DENND3: variants seen among roughly 807,000 people sequenced by gnomAD.
DENND3 encodes the protein DENN domain containing 3.
DENND3 carries 88 observed loss-of-function variants against 135.1 expected under a neutral mutation model. The ratio of observed to expected loss-of-function variants is 0.65; its 90% CI spans 0.55 to 0.78. The LOEUF (loss-of-function observed/expected upper bound fraction) is 0.78, where lower values mean the gene tolerates loss of function less well. DENND3 is among the 30% of genes least tolerant of loss of function. The pLI, the probability that DENND3 is intolerant of heterozygous loss-of-function variation, is 0.00. For missense variants in DENND3, 1,392 were observed against 1,688.4 expected, an observed-to-expected ratio of 0.82 and a Z score of 3.08; for synonymous variants, 693 against 712.3, an observed-to-expected ratio of 0.97 and a Z score of 0.43.
At chr8:141,188,861 C>T (rs766692330) in intron 18 of DENND3, 125 bp from the exon 19 acceptor site, 144 of 1,304,364 alleles carry the variant, frequency 1.1e-4, no homozygotes, top group Admixed American at 2.3e-4. Context: ...GACCCTGAGC[C>T]GGCGTGTCCC....
rs1015680066 is a variant in DENND3, at chr8:141,194,422, C to T, written c.*189C>T. ...CACCTTCTCTCAGGCCTTCGGGCCCCCTGGTTAAACTGCACCAAGGGTGTT... is the reference window on the plus strand; with the variant it reads ...CACCTTCTCTCAGGCCTTCGGGCCCTCTGGTTAAACTGCACCAAGGGTGTT... On this transcript the variant is annotated 3_prime_UTR_variant, in exon 23 of 23. Coordinates refer to ENST00000519811, the MANE Select transcript of DENND3 (RefSeq NM_001352890.3). 1.6e-6 allele frequency: 1 copy of T among 640,684 alleles called. No homozygotes were observed. The highest frequency in any genetic ancestry group is 2.8e-5 in the East Asian group (1 of 36,132). 39.7% of individuals were successfully genotyped at this position (640,684 alleles called of 1,614,324 possible).
intron 5 of DENND3, among the ~76,000 whole-genome samples, chr8:141,149,737 A>G (rs1818561892): frequency 6.6e-6 from 1 of 152,256 alleles, no homozygotes; most frequent in Non-Finnish European, 1.5e-5. Context: ...CACGGGCATG[A>G]GGAGAATGTG....
chr8:141,160,907 G>C, intron 9 of DENND3, 120 bp downstream of exon 9: 1 of 1,306,054 alleles, frequency 7.7e-7, no homozygotes. Context: ...TGGCAAACAT[G>C]AGTGGTCCCC....
At position 141,175,654 on chromosome 8, in the gene DENND3, G is replaced by C. The variant is rs967248548; in HGVS notation, c.2535+195G>C. ...GCTGATACCTTCTCAGTGGGTGGTGGAGATTGAATAGTTTGCATATGGAGC... is the reference window on the plus strand; with the variant it reads ...GCTGATACCTTCTCAGTGGGTGGTGCAGATTGAATAGTTTGCATATGGAGC... On this transcript the variant is annotated intron_variant, in intron 14 of 22. Coordinates refer to ENST00000519811, the MANE Select transcript of DENND3 (RefSeq NM_001352890.3). This position sits in a 1 kb window ranked among gnomAD's most constrained non-coding sequence, Gnocchi z 5.4. 1.2e-5 allele frequency: 9 copies of C among 773,604 alleles called. No homozygotes were observed. The highest frequency in any genetic ancestry group is 1.7e-5 in the African/African-American group (1 of 57,866). The allele number at this position is 773,604 out of a possible 1,614,324, so 47.9% of individuals were successfully genotyped here.
chr8:141,160,506 G>GC, intron 8 of DENND3, 126 bp from the exon 9 acceptor site: 3 of 1,195,060 alleles, frequency 2.5e-6, no homozygotes, highest in Non-Finnish European at 2.2e-6. Context: ...ATGACCACCC[G>GC]CCCCTCAAAT....
chr8:141,160,385 G>A (rs1413411558), intron 8 of DENND3, among the ~76,000 whole-genome samples: 2 of 152,042 alleles, frequency 1.3e-5, no homozygotes, highest in East Asian at 3.9e-4. Context: ...CACCATGTTG[G>A]CCAGGCTGGT....
At position 141,192,461 on chromosome 8, in the gene DENND3, G is replaced by C. The variant is rs201355672; in HGVS notation, c.3498+12G>C. ...AGCTCCTTCCTGAGGTATCCCAGCA[G>C]GGGCTGTGGGCCCAGCATGTGCGTG... On this transcript the variant is annotated intron_variant, in intron 21 of 22. Transcript: ENST00000519811. The C allele has an allele frequency of 2.5e-6, 4 of 1,614,046 alleles. 1 individual carries two copies.
intron 8 of DENND3, chr8:141,157,669 A>C (rs1819609207): frequency 1.0e-6 from 1 of 985,036 alleles, no homozygotes. Context: ...CTGGCCTTTC[A>C]CCTGGCTTTT....
At chr8:141,157,605 C>T (rs889644300) in intron 8 of DENND3, 19 of 985,808 alleles carry the variant, frequency 1.9e-5, no homozygotes, top group African/African-American at 1.9e-4. Context: ...TTCTTCTCTT[C>T]GCCTTCCTTT....
At chr8:141,150,806 A>G in intron 5 of DENND3, 28 bp from the exon 6 acceptor site, 1 of 1,574,854 alleles carries the variant, frequency 6.3e-7, no homozygotes, top group Non-Finnish European at 8.6e-7. Context: ...CAGCTCTCTG[A>G]ACTAATGACG....
chr8:141,192,700 C>T (rs757794400), intron 22 of DENND3, 37 bp downstream of exon 22: 1 of 1,606,120 alleles, frequency 6.2e-7, no homozygotes, highest in East Asian at 2.2e-5. Flanking sequence ...GCATCCCCGG[C>T]AGGTCTCGCT....
At chr8:141,159,109 C>T (rs930346639) in intron 8 of DENND3, among the ~76,000 whole-genome samples, 1 of 152,226 alleles carries the variant, frequency 6.6e-6, no homozygotes, top group Non-Finnish European at 1.5e-5. Flanking sequence ...TGAGTCTGGT[C>T]AGCCAGGGCT....
chr8:141,183,525 G>A (rs1339148746), intron 17 of DENND3, among the ~76,000 whole-genome samples: 1 of 151,682 alleles, frequency 6.6e-6, no homozygotes, highest in African/African-American at 2.4e-5. Context: ...CAAAGCGCTG[G>A]GTTAGAGGCG....
At chr8:141,158,274 T>C (rs1236852289) in intron 8 of DENND3, 3 of 1,287,790 alleles carry the variant, frequency 2.3e-6, no homozygotes, top group Non-Finnish European at 3.0e-6. Flanking sequence ...CCCAATCATC[T>C]CAGTTACTTT....
chr8:141,176,536 A>G, intron 14 of DENND3, 55 bp from the exon 15 acceptor site: 1 of 1,608,116 alleles, frequency 6.2e-7, no homozygotes, highest in Non-Finnish European at 8.5e-7. Context: ...GTCTCTGGTG[A>G]ATCCACGTGT....
intron 9 of DENND3, among the ~76,000 whole-genome samples, chr8:141,161,508 G>T (rs1820124581): frequency 6.6e-6 from 1 of 152,190 alleles, no homozygotes; most frequent in South Asian, 2.1e-4. Context: ...GCTATTTCTG[G>T]CCTAAATAGG....
chr8:141,174,700 T>A lies in DENND3; in HGVS notation c.2276-500T>A, dbSNP rs974962357. Among the ~76,000 whole-genome samples the A allele has an allele frequency of 6.6e-6, 1 of 151,706 alleles. No homozygotes were observed. The highest frequency in any genetic ancestry group is 1.5e-5 in the Non-Finnish European group (1 of 67,922). On this transcript the variant is annotated intron_variant, in intron 13 of 22. Transcript: ENST00000519811. This position sits in a 1 kb window ranked among gnomAD's most constrained non-coding sequence, Gnocchi z 4.6. ...CAATGATTTGCTGGTAACCAAAGAG[T>A]GTGGAGGTCGGGCCAGTTACAGGAG...
At chr8:141,181,915 G>A (rs1823170861) in intron 17 of DENND3, among the ~76,000 whole-genome samples, 1 of 151,986 alleles carries the variant, frequency 6.6e-6, no homozygotes, top group Non-Finnish European at 1.5e-5. Flanking sequence ...TGGGACCATC[G>A]GCTTGTACCA....
At chr8:141,158,675 G>C (rs57089635) in intron 8 of DENND3, among the ~76,000 whole-genome samples, 3 of 152,062 alleles carry the variant, frequency 2.0e-5, no homozygotes, top group Admixed American at 2.0e-4. Context: ...CTCTCTGCAC[G>C]TGAGCGTGTG....
Sources: gnomAD v4.1 joint callset for allele counts (sites outside exome capture counted in the v4.1 genomes callset) on GRCh38, gnomAD v4.1.1 for gene constraint, Gnocchi (gnomAD v3.1) non-coding constraint, MANE v1.5 for transcripts, NCBI Gene and HGNC (gene_info 2026-07-23, HGNC 2026-07-21) for gene names.